The following MMUT variants were observed in gnomAD, a reference collection of about 807,000 sequenced individuals.
MMUT encodes methylmalonyl-CoA mutase, mitochondrial.
MMUT carries 79 observed loss-of-function variants against 79.9 expected under a neutral mutation model. The ratio of observed to expected loss-of-function variants is 0.99; its 90% CI spans 0.82 to 1.19. MMUT has a LOEUF of 1.19. Among genes scored for constraint, MMUT ranks in the 50% most tolerant of loss-of-function variants. MMUT has a pLI of 0.00. For synonymous variants in MMUT, 273 were observed against 295.7 expected, an observed-to-expected ratio of 0.92 and a Z score of 0.79; for missense variants, 860 against 917.2, an observed-to-expected ratio of 0.94 and a Z score of 0.81.
rs1237146677 is a variant in MMUT at position 49,431,714 on chromosome 6, A to T, written c.*14T>A. ...AATAATATTTTAGACAAAAGCTAAA[A>T]CAAAAAGAGGATATTATACAGATTG... is the stretch of plus-strand genomic sequence containing the variant. On this transcript the variant is annotated 3_prime_UTR_variant, in exon 13 of 13. Transcript: ENST00000274813. 18 of 1,611,848 alleles carry T rather than the reference A, an allele frequency of 1.1e-5. No individual in the cohort carries two copies. Among genetic ancestry groups the T allele is most frequent in the Non-Finnish European group, 1.5e-5 (18 of 1,178,358 alleles).
chr6:49,450,159 A>C (rs1217980038), intron 6 of MMUT, among the ~76,000 whole-genome samples: 1 of 151,094 alleles, frequency 6.6e-6, no homozygotes, highest in Admixed American at 6.6e-5. Flanking sequence ...TGAACTAGGG[A>C]GTCAAAAGTT....
Position 49,440,242 on chromosome 6 carries a change from A to C in MMUT, c.1920T>G (p.Asp640Glu). 1.2e-6 allele frequency: 2 copies of C among 1,614,072 alleles called. No homozygotes were observed. Among genetic ancestry groups the C allele is most frequent in the South Asian group, 2.2e-5 (2 of 91,074 alleles). ...GGCCTATGTCCACATCAAAACCAAG[A>C]TCAGCAAATCCTGTAGCAATAACTT... Reference protein sequence around the residue: ...GAKVIATGFADLGFDVDIGPL... With the variant: ...GAKVIATGFAELGFDVDIGPL... The change falls in exon 11 of 13, where the codon GAT (aspartate) becomes GAG (glutamate). Residue 640 changes from aspartate to glutamate, a missense_variant. Physicochemically the swap from Asp to Glu is conservative, Grantham distance 45. Transcript: ENST00000274813.
chr6:49,436,076 C>T (rs1433630804), intron 11 of MMUT, among the ~76,000 whole-genome samples: 3 of 152,120 alleles, frequency 2.0e-5, no homozygotes, highest in African/African-American at 4.8e-5. Flanking sequence ...CCCAATGAGA[C>T]ACCATTTCAC....
Position 49,440,194 on chromosome 6 carries a change from A to C in MMUT, c.1956+12T>G. The C allele has an allele frequency of 6.2e-7, 1 of 1,613,890 alleles. No homozygotes were observed. The highest frequency in any genetic ancestry group is 8.5e-7 in the Non-Finnish European group (1 of 1,179,840). On this transcript the variant is annotated intron_variant, in intron 11 of 12. Coordinates refer to ENST00000274813, the MANE Select transcript of MMUT (RefSeq NM_000255.4). ...AAATACTTTTGAAATTCCCCCCAAC[A>C]GTTTTTAGTACCTGGAAAAGAGGGC...
At chr6:49,450,329 G>A (rs1225750353) in intron 6 of MMUT, among the ~76,000 whole-genome samples, 1 of 150,956 alleles carries the variant, frequency 6.6e-6, no homozygotes, top group African/African-American at 2.4e-5. Context: ...GAACCCATAT[G>A]AAAATGACAA....
At position 49,431,528 on chromosome 6, in the gene MMUT, T is replaced by A. The variant is rs886061556; in HGVS notation, c.*200A>T. The A allele has an allele frequency of 5.5e-5, 21 of 381,620 alleles. No individual in the cohort carries two copies. The highest frequency in any genetic ancestry group is 1.9e-4 in the Admixed American group (4 of 21,134). The allele number at this position is 381,620 out of a possible 1,614,324, so 23.6% of individuals were successfully genotyped here. On this transcript the variant is annotated 3_prime_UTR_variant, in exon 13 of 13. Transcript: ENST00000274813. ...GAGAGTATAGAGAGTTTTTAGGGAT[T>A]TTTTTTTTATTTTTGAAGTGAAACT...
At chr6:49,444,050 T>A (rs991395186) in intron 9 of MMUT, among the ~76,000 whole-genome samples, 7 of 152,070 alleles carry the variant, frequency 4.6e-5, no homozygotes, top group African/African-American at 7.2e-5. Context: ...AGCAATTATA[T>A]TACAGTAGAA....
At chr6:49,439,926 A>T (rs1442234844) in intron 11 of MMUT, among the ~76,000 whole-genome samples, 1 of 152,206 alleles carries the variant, frequency 6.6e-6, no homozygotes, top group African/African-American at 2.4e-5. Flanking sequence ...AAAAGTGATC[A>T]AGGTCTCTCC....
Position 49,453,521 on chromosome 6 carries a change from T to C in MMUT, c.1083+64A>G, listed in dbSNP as rs1581831738. 12 of 857,986 alleles carry C rather than the reference T, an allele frequency of 1.4e-5. No individual in the cohort carries two copies. The East Asian group carries it at 1.6e-4, about 11-fold the overall frequency. 53.1% of individuals were successfully genotyped at this position (857,986 alleles called of 1,614,324 possible). ...AATTCTATTTCCTGCTTGTGCCACA[T>C]TGCTCAGAAAAAATATATATATATA... is the stretch of plus-strand genomic sequence containing the variant. On this transcript the variant is annotated intron_variant, in intron 5 of 12. Coordinates refer to ENST00000274813, the MANE Select transcript of MMUT (RefSeq NM_000255.4).
intron 5 of MMUT, 28 bp from the exon 6 acceptor site, chr6:49,451,742 T>C: frequency 6.2e-7 from 1 of 1,606,962 alleles, no homozygotes; most frequent in Admixed American, 1.7e-5. Context: ...AAACAAAAAC[T>C]CAAAGAAACA....
chr6:49,434,380 A>C (rs1044681773), intron 12 of MMUT, among the ~76,000 whole-genome samples: 2 of 152,124 alleles, frequency 1.3e-5, no homozygotes, highest in East Asian at 3.9e-4. Flanking sequence ...TATTCATATG[A>C]ATTTTCTCCT....
At chr6:49,440,489 T>G (rs1251290910) in intron 10 of MMUT, 136 bp from the exon 11 acceptor site, 5 of 909,194 alleles carry the variant, frequency 5.5e-6, no homozygotes, top group East Asian at 5.5e-5. Context: ...TTTTGGGTTG[T>G]TTTTTTTTTC....
At chr6:49,453,039 G>GTTTTTTTTTTTTT (rs5876116) in intron 5 of MMUT, among the ~76,000 whole-genome samples, 1 of 116,192 alleles carries the variant, frequency 8.6e-6, no homozygotes, top group African/African-American at 3.1e-5. Context: ...TTCTTTCTTT[G>GTTTTTTTTTTTTT]TTTTTTTTTT....
intron 8 of MMUT, among the ~76,000 whole-genome samples, chr6:49,445,035 A>G (rs1041849562): frequency 8.3e-6 from 1 of 120,328 alleles, no homozygotes; most frequent in African/African-American, 3.1e-5. Context: ...CAAGTAGCAC[A>G]TGTTACTTAG....
At position 49,431,604 on chromosome 6, in the gene MMUT, A is replaced by C. The variant is rs1766979135; in HGVS notation, c.*124T>G. ...CCAGGCCTATAAGTAAGGTATTTTAAAGTAAAGCTTTCAAGGAAAGTACAA... is the reference window on the plus strand; with the variant it reads ...CCAGGCCTATAAGTAAGGTATTTTACAGTAAAGCTTTCAAGGAAAGTACAA... On this transcript the variant is annotated 3_prime_UTR_variant, in exon 13 of 13. Transcript: ENST00000274813. The C allele has an allele frequency of 1.9e-6, 2 of 1,035,398 alleles. No individual in the cohort carries two copies. The highest frequency in any genetic ancestry group is 2.9e-6 in the Non-Finnish European group (2 of 687,950). 64.1% of individuals were successfully genotyped at this position (1,035,398 alleles called of 1,614,324 possible). A position where few individuals can be genotyped will look rare whatever the true frequency, so the allele number is the denominator to read the frequency against.
intron 10 of MMUT, 58 bp from the exon 11 acceptor site, chr6:49,440,411 A>G (rs1767244910): frequency 6.6e-7 from 1 of 1,521,678 alleles, no homozygotes; most frequent in Non-Finnish European, 9.1e-7. Flanking sequence ...AAGGGAAGAT[A>G]TAAAAACTAA....
At chr6:49,459,818 TC>T (rs1291617739) in intron 1 of MMUT, among the ~76,000 whole-genome samples, 1 of 152,178 alleles carries the variant, frequency 6.6e-6, no homozygotes, top group East Asian at 1.9e-4. Flanking sequence ...TATGTCACAC[TC>T]CTCATGGAAT....
Position 49,447,719 on chromosome 6 carries a change from G to C in MMUT, c.1511C>G (p.Ala504Gly), listed in dbSNP as rs375164316. Reference protein sequence around the residue: ...LEKEDAVEVLAIDNTSVRNRQ... With the variant: ...LEKEDAVEVLGIDNTSVRNRQ... Reference sequence around the variant, plus strand: ...GTTTCGCACTGAAGTATTATCAATTGCCAGAACTTCTACAGCGTCTTCTTT... The same window carrying C: ...GTTTCGCACTGAAGTATTATCAATTCCCAGAACTTCTACAGCGTCTTCTTT... The change falls in exon 8 of 13, where the codon GCA (alanine) becomes GGA (glycine). Residue 504 changes from alanine to glycine, a missense_variant. Coordinates refer to ENST00000274813, the MANE Select transcript of MMUT (RefSeq NM_000255.4). 1.7e-5 allele frequency: 27 copies of C among 1,609,634 alleles called. No individual in the cohort carries two copies. Among genetic ancestry groups the C allele is most frequent in the Non-Finnish European group, 2.3e-5 (27 of 1,178,044 alleles).
At chr6:49,433,822 CAAAT>C (rs768228455) in intron 12 of MMUT, among the ~76,000 whole-genome samples, 7 of 152,020 alleles carry the variant, frequency 4.6e-5, no homozygotes, top group Non-Finnish European at 1.0e-4. Flanking sequence ...TCACTGCAAA[CAAAT>C]AGTGAGAAAA....
Sources: allele counts gnomAD v4.1 joint callset (sites outside exome capture counted in the v4.1 genomes callset), GRCh38; gene constraint gnomAD v4.1.1; transcripts MANE v1.5; gene names NCBI Gene and HGNC (gene_info 2026-07-23, HGNC 2026-07-21).